Variants in LPCAT1 observed in about 807,000 individuals in gnomAD.
The protein encoded by LPCAT1 is 1-acylglycerol-3-phosphate O-acyltransferase.
LPCAT1 carries 23 observed loss-of-function variants against 60.9 expected under a neutral mutation model. The observed-to-expected ratio is 0.38, with a 90% confidence interval of 0.27 to 0.53. The LOEUF (loss-of-function observed/expected upper bound fraction) is 0.53. LPCAT1 is among the 20% of genes least tolerant of loss of function. The probability of loss-of-function intolerance (pLI) is 0.82; values close to 1 mark genes in which losing one functional copy is unlikely to be tolerated. For missense variants in LPCAT1, 622 were observed against 723.6 expected (o/e 0.86, Z 1.61); for synonymous variants, 340 against 301.1 (o/e 1.13, Z -1.34).
In LPCAT1 at chr5:1,476,418, G is replaced by A. The variant is rs1336962568; in HGVS notation, c.899+986C>T. On this transcript the variant is annotated intron_variant, in intron 9 of 13. Coordinates refer to ENST00000283415, the MANE Select transcript of LPCAT1 (RefSeq NM_024830.5). The surrounding 1 kb of genome is among the most constrained non-coding windows in gnomAD (Gnocchi z 8.6). ...GGAACGTGAGGGAACGGGCCGCCCA[G>A]CTGAATCTTCAGGGTGTCAGCGGAG... Among the ~76,000 whole-genome samples the A allele has an allele frequency of 6.6e-6, 1 of 152,156 alleles. No individual in the cohort carries two copies. The highest frequency in any genetic ancestry group is 1.5e-5 in the Non-Finnish European group (1 of 68,036).
At chr5:1,491,981 G>A (rs1400968045) in intron 3 of LPCAT1, among the ~76,000 whole-genome samples, 1 of 152,140 alleles carries the variant, frequency 6.6e-6, no homozygotes, top group Non-Finnish European at 1.5e-5. Context: ...AGATGTCTCT[G>A]AGCTGGAAAC....
chr5:1,465,480 A>C lies in LPCAT1; in HGVS notation c.1420+1269T>G, dbSNP rs567694071. On this transcript the variant is annotated intron_variant, in intron 13 of 13. Coordinates refer to ENST00000283415, the MANE Select transcript of LPCAT1 (RefSeq NM_024830.5). ...GTAACTAAACATGCATGCACACACA[A>C]AACAAGCGCATGCGCACACAGTAAA... Among the ~76,000 whole-genome samples, 59 of 125,144 alleles carry C rather than the reference A, an allele frequency of 4.7e-4. 1 individual carries two copies. The Middle Eastern group carries it at 0.024, about 51-fold the overall frequency. The allele number at this position is 125,144 out of a possible 152,430, so 82.1% of individuals were successfully genotyped here.
At chr5:1,518,651 C>G (rs1736582036) in intron 1 of LPCAT1, among the ~76,000 whole-genome samples, 1 of 152,194 alleles carries the variant, frequency 6.6e-6, no homozygotes, top group Admixed American at 6.5e-5. Context: ...ACAGTAAAAA[C>G]TTAAAATGCA....
rs1456260186 is a variant in LPCAT1, at chr5:1,483,960, G to A, written c.668-474C>T. ...CGCGCACCAGCTGGAAGGCGTTGGT[G>A]GGAAGTGGGGGTCCTCATCACCGGC... is the stretch of plus-strand genomic sequence containing the variant. On this transcript the variant is annotated intron_variant, in intron 5 of 13. Transcript: ENST00000283415. The surrounding 1 kb of genome is among the most constrained non-coding windows in gnomAD (Gnocchi z 9.2). 1.3e-5 allele frequency among the ~76,000 whole-genome samples: 2 copies of A among 152,256 alleles called. No homozygotes were observed. Among genetic ancestry groups the A allele is most frequent in the African/African-American group, 2.4e-5 (1 of 41,460 alleles).
At chr5:1,474,836 T>G in intron 9 of LPCAT1, 151 bp from the exon 10 acceptor site, 1 of 1,017,746 alleles carries the variant, frequency 9.8e-7, no homozygotes, top group Non-Finnish European at 1.4e-6. Flanking sequence ...CAGTCACACA[T>G]TCATCGATCA....
intron 1 of LPCAT1, among the ~76,000 whole-genome samples, chr5:1,508,220 C>G (rs1579809141): frequency 6.6e-6 from 1 of 152,244 alleles, no homozygotes; most frequent in Non-Finnish European, 1.5e-5. Context: ...TGACCCCGGC[C>G]TGGCCACACA....
At chr5:1,465,752 G>C (rs1306481561) in intron 13 of LPCAT1, among the ~76,000 whole-genome samples, 1 of 139,794 alleles carries the variant, frequency 7.2e-6, no homozygotes, top group Non-Finnish European at 1.5e-5. Flanking sequence ...ATGCACATGT[G>C]TACACAAACG....
intron 12 of LPCAT1, among the ~76,000 whole-genome samples, chr5:1,468,042 G>A (rs1303456389): frequency 6.6e-6 from 1 of 152,134 alleles, no homozygotes; most frequent in East Asian, 1.9e-4. Flanking sequence ...GGGAGGGGCT[G>A]CGCCTTCACC....
chr5:1,494,979 AG>A, intron 2 of LPCAT1, 65 bp from the exon 3 acceptor site: 1 of 1,451,834 alleles, frequency 6.9e-7, no homozygotes, highest in Non-Finnish European at 9.4e-7. Context: ...TGTGAGGCAC[AG>A]GGGCGGTCCC....
chr5:1,503,018 G>A (rs1206400106), intron 1 of LPCAT1, among the ~76,000 whole-genome samples: 3 of 152,106 alleles, frequency 2.0e-5, no homozygotes, highest in Non-Finnish European at 4.4e-5. Flanking sequence ...ATTTTCTCCC[G>A]CTGTCTTGGA....
rs1734959512 is a variant in LPCAT1 at position 1,477,345 on chromosome 5, G to C, written c.899+59C>G. On this transcript the variant is annotated intron_variant, in intron 9 of 13. Coordinates refer to ENST00000283415, the MANE Select transcript of LPCAT1 (RefSeq NM_024830.5). The surrounding 1 kb of genome is among the most constrained non-coding windows in gnomAD (Gnocchi z 6.0). ...CTGTTGCCTATTTTAAATATACAGA[G>C]AGCAGCACTCTGGGAGACACCCCTG... The C allele has an allele frequency of 1.4e-6, 2 of 1,379,928 alleles. No individual in the cohort carries two copies. The highest frequency in any genetic ancestry group is 2.3e-5 in the East Asian group (1 of 43,580). The allele number at this position is 1,379,928 out of a possible 1,614,324, so 85.5% of individuals were successfully genotyped here.
intron 12 of LPCAT1, among the ~76,000 whole-genome samples, chr5:1,467,783 C>G (rs989003590): frequency 2.0e-5 from 3 of 152,176 alleles, no homozygotes; most frequent in Non-Finnish European, 4.4e-5. Context: ...CGTGTCCTTC[C>G]GCTCCAACCC....
At chr5:1,485,784 C>T (rs1486779298) in intron 5 of LPCAT1, among the ~76,000 whole-genome samples, 5 of 151,688 alleles carry the variant, frequency 3.3e-5, no homozygotes, top group African/African-American at 1.2e-4. Flanking sequence ...GGGAGAGCCA[C>T]ATCCATGTCT....
chr5:1,489,931 G>T, intron 3 of LPCAT1, 73 bp from the exon 4 acceptor site: 5 of 1,099,284 alleles, frequency 4.5e-6, no homozygotes, highest in Non-Finnish European at 7.0e-6. Context: ...GAACGAGGGG[G>T]CTGCTGCATG....
chr5:1,493,454 T>C (rs1363674543), intron 3 of LPCAT1, among the ~76,000 whole-genome samples: 4 of 152,236 alleles, frequency 2.6e-5, no homozygotes, highest in African/African-American at 9.6e-5. Context: ...AAAACTGTCA[T>C]ATGAATGCTA....
In LPCAT1 at chr5:1,522,706, A is replaced by G. The variant is rs1357534805; in HGVS notation, c.135+1004T>C. Among the ~76,000 whole-genome samples, 3 of 152,220 alleles carry G rather than the reference A, an allele frequency of 2.0e-5. No homozygotes were observed. Among genetic ancestry groups the G allele is most frequent in the Admixed American group, 6.5e-5 (1 of 15,286 alleles). On this transcript the variant is annotated intron_variant, in intron 1 of 13. Transcript: ENST00000283415. The surrounding 1 kb of genome is among the most constrained non-coding windows in gnomAD (Gnocchi z 6.8). ...TTAACAAATCTCCATCTTCCCGGAA[A>G]TCTATTCTCACAATTGGAAGCGTGC...
intron 3 of LPCAT1, among the ~76,000 whole-genome samples, chr5:1,490,480 G>C (rs892378914): frequency 6.6e-6 from 1 of 152,228 alleles, no homozygotes; most frequent in African/African-American, 2.4e-5. Flanking sequence ...AGGAGGATGT[G>C]GCCACAGCCC....
Position 1,501,469 on chromosome 5 carries a change from C to T in LPCAT1, c.270G>A (p.Leu90=), listed in dbSNP as rs1425868954. Residue 90 remains leucine, a synonymous_variant, in exon 2 of 14, where the codon CTG becomes CTA. Transcript: ENST00000283415. ...AEKEPEQPPA[L]WRKVVDFLLK... ...GCACACGCGCAACTTACTTCCTCCA[C>T]AGGGCCGGGGGCTGCTCGGGTTCCT... is the stretch of plus-strand genomic sequence containing the variant. 1 of 1,611,968 alleles carries T rather than the reference C, an allele frequency of 6.2e-7. No homozygotes were observed. Among genetic ancestry groups the T allele is most frequent in the African/African-American group, 1.3e-5 (1 of 74,888 alleles).
chr5:1,491,435 C>T lies in LPCAT1; in HGVS notation c.494-1577G>A, dbSNP rs577056609. ...TAGAGATTTCAGAAGTTGTCTATAA[C>T]GGCAAAGAACAGAACAGTGACGTGG... On this transcript the variant is annotated intron_variant, in intron 3 of 13. Coordinates refer to ENST00000283415, the MANE Select transcript of LPCAT1 (RefSeq NM_024830.5). 3.0e-4 allele frequency among the ~76,000 whole-genome samples: 45 copies of T among 148,890 alleles called. 1 individual carries two copies. The highest frequency in any genetic ancestry group is 1.4e-3 in the Admixed American group (20 of 14,768).
Sources: allele counts gnomAD v4.1 joint callset (sites outside exome capture counted in the v4.1 genomes callset), GRCh38; gene constraint gnomAD v4.1.1; non-coding constraint Gnocchi (gnomAD v3.1); transcripts MANE v1.5; gene names NCBI Gene and HGNC (gene_info 2026-07-23, HGNC 2026-07-21).